DOCK7: variants seen among roughly 807,000 people sequenced by gnomAD.
The protein encoded by DOCK7 is dedicator of cytokinesis protein 7.
In DOCK7, 138 loss-of-function variants were observed where a neutral mutation model predicts 271.0. That is an observed-to-expected ratio of 0.51 (90% confidence interval 0.44 to 0.59). The LOEUF is 0.59. Among genes scored for constraint, DOCK7 ranks in the 20% least tolerant of loss-of-function variants. The probability of loss-of-function intolerance (pLI) is 0.00; values close to 1 mark genes in which losing one functional copy is unlikely to be tolerated. For synonymous variants in DOCK7, 823 were observed against 876.1 expected (o/e 0.94, Z 1.07); for missense variants, 2,066 against 2,592.4 (o/e 0.80, Z 4.41).
At chr1:62,526,796 T>C (rs1645023038) in intron 31 of DOCK7, among the ~76,000 whole-genome samples, 1 of 152,214 alleles carries the variant, frequency 6.6e-6, no homozygotes, top group African/African-American at 2.4e-5. Context: ...CTCAAAAACT[T>C]ATGCTTAGTG....
intron 49 of DOCK7, among the ~76,000 whole-genome samples, chr1:62,456,040 T>C (rs1645338882): frequency 6.6e-6 from 1 of 152,084 alleles, no homozygotes; most frequent in Non-Finnish European, 1.5e-5. Context: ...CATGTAGGAG[T>C]GTGGCTTAAT....
At chr1:62,571,385 T>C (rs944642656) in intron 18 of DOCK7, among the ~76,000 whole-genome samples, 2 of 152,108 alleles carry the variant, frequency 1.3e-5, no homozygotes, top group Non-Finnish European at 2.9e-5. Flanking sequence ...TGGCAATTAT[T>C]ATAAAGTCAA....
At chr1:62,502,667 G>C (rs1402510067) in intron 37 of DOCK7, among the ~76,000 whole-genome samples, 8 of 152,060 alleles carry the variant, frequency 5.3e-5, no homozygotes, top group Non-Finnish European at 1.2e-4. Flanking sequence ...GCAACCATTA[G>C]AGCAAAACCA....
chr1:62,501,621 AT>A (rs1179199434), intron 37 of DOCK7, among the ~76,000 whole-genome samples: 1 of 151,970 alleles, frequency 6.6e-6, no homozygotes, highest in Non-Finnish European at 1.5e-5. Context: ...GTTTCTCAAT[AT>A]TTTTTTCATT....
At chr1:62,660,237 T>C (rs1658509415) in intron 2 of DOCK7, among the ~76,000 whole-genome samples, 1 of 152,056 alleles carries the variant, frequency 6.6e-6, no homozygotes, top group Non-Finnish European at 1.5e-5. Flanking sequence ...CTGACTATAG[T>C]AGAATCAAAC....
chr1:62,578,493 G>A (rs1307461707), intron 17 of DOCK7, among the ~76,000 whole-genome samples: 1 of 152,110 alleles, frequency 6.6e-6, no homozygotes, highest in Non-Finnish European at 1.5e-5. Flanking sequence ...GCCGAGGCAG[G>A]CAGATCACTT....
chr1:62,504,590 T>C, intron 37 of DOCK7, 40 bp downstream of exon 37: 1 of 1,578,664 alleles, frequency 6.3e-7, no homozygotes, highest in South Asian at 1.2e-5. Flanking sequence ...AAGTTATATT[T>C]CATTATGAAT....
At position 62,630,140 on chromosome 1, in the gene DOCK7, G is replaced by A. The variant is rs574269489; in HGVS notation, c.1282+1100C>T. Reference sequence around the variant, plus strand: ...AAGGAACCTGGGAGTGGCCAAACTTGAAGACTCATTCCTTATCTATGAGAA... The same window carrying A: ...AAGGAACCTGGGAGTGGCCAAACTTAAAGACTCATTCCTTATCTATGAGAA... On this transcript the variant is annotated intron_variant, in intron 11 of 49. Transcript: ENST00000635253. Among the ~76,000 whole-genome samples the A allele has an allele frequency of 3.9e-5, 6 of 152,248 alleles. No homozygotes were observed. In the East Asian group the frequency reaches 1.2e-3, roughly 29 times the overall value.
intron 23 of DOCK7, 119 bp downstream of exon 23, chr1:62,544,828 A>G (rs1479330642): frequency 9.5e-6 from 7 of 736,870 alleles, no homozygotes; most frequent in Non-Finnish European, 1.5e-5. Context: ...GTAAACAAAA[A>G]TACACACTTT....
chr1:62,667,588 G>A (rs1238839646), intron 1 of DOCK7, among the ~76,000 whole-genome samples: 1 of 152,172 alleles, frequency 6.6e-6, no homozygotes, highest in African/African-American at 2.4e-5. Context: ...GGTGGTGCGT[G>A]CCTGCAGTCC....
In DOCK7 at chr1:62,535,548, A is replaced by G; in HGVS notation, c.3556T>C (p.Leu1186=). Residue 1186 remains leucine, a synonymous_variant, in exon 29 of 50, where the codon TTG becomes CTG. Coordinates refer to ENST00000635253, the MANE Select transcript of DOCK7 (RefSeq NM_001367561.1). ...LSVPFRQQHY[L]AGLVLTELAV... is the part of the protein sequence containing the mutation. ...AGCTCTGTTAACACAAGTCCTGCCA[A>G]ATAATGCTGTTGGCGGAAAGGCACG... 1.9e-6 allele frequency: 3 copies of G among 1,614,114 alleles called. No individual in the cohort carries two copies. Among genetic ancestry groups the G allele is most frequent in the Middle Eastern group, 1.7e-4 (1 of 6,060 alleles).
rs1407875378 is a variant in DOCK7 at position 62,561,690 on chromosome 1, C to T, written c.2126G>A (p.Gly709Asp). 2 of 1,571,360 alleles carry T rather than the reference C, an allele frequency of 1.3e-6. No homozygotes were observed. Among genetic ancestry groups the T allele is most frequent in the East Asian group, 2.4e-5 (1 of 42,352 alleles). Reference sequence around the variant, plus strand: ...TTTGTGATTATCTACCCATTTCATGCCAGGTAGAGGAACCTGTAAGATATT... The same window carrying T: ...TTTGTGATTATCTACCCATTTCATGTCAGGTAGAGGAACCTGTAAGATATT... ...SVLSPEVPLPGMKWVDNHKGV... is the reference protein window; with the variant it reads ...SVLSPEVPLPDMKWVDNHKGV... Residue 709 changes from glycine to aspartate, a missense_variant, in exon 19 of 50, where the codon GGC (glycine) becomes GAC (aspartate). Gly to Asp is a moderately conservative substitution (Grantham distance 94). This residue lies in a region of DOCK7 where 1,414 missense variants were observed against 1,670.4 expected (regional missense o/e 0.85). Coordinates refer to ENST00000635253, the MANE Select transcript of DOCK7 (RefSeq NM_001367561.1).
At chr1:62,539,713 G>A in intron 26 of DOCK7, 39 bp downstream of exon 26, 2 of 1,611,034 alleles carry the variant, frequency 1.2e-6, no homozygotes, top group Non-Finnish European at 1.7e-6. Flanking sequence ...CTTAATCTGA[G>A]CTTGAAAGAG....
At chr1:62,538,549 T>C (rs937775833) in intron 27 of DOCK7, among the ~76,000 whole-genome samples, 4 of 152,202 alleles carry the variant, frequency 2.6e-5, no homozygotes, top group African/African-American at 4.8e-5. Context: ...AGGAGATCAA[T>C]GCTTAAAGAA....
intron 1 of DOCK7, among the ~76,000 whole-genome samples, chr1:62,669,921 C>T (rs548142417): frequency 4.6e-5 from 7 of 152,232 alleles, no homozygotes; most frequent in Non-Finnish European, 1.0e-4. Flanking sequence ...GGGCTGTGTG[C>T]GGCACTTGCG....
chr1:62,579,695 GAAAAA>G (rs34924913), intron 16 of DOCK7, among the ~76,000 whole-genome samples: 5 of 63,888 alleles, frequency 7.8e-5, no homozygotes, highest in South Asian at 6.4e-4. Flanking sequence ...GAGTGAGACC[GAAAAA>G]AAAAAAAAAA....
intron 45 of DOCK7, 24 bp downstream of exon 45, chr1:62,476,043 T>C: frequency 6.3e-7 from 1 of 1,599,784 alleles, no homozygotes; most frequent in Non-Finnish European, 8.6e-7. Context: ...TGTCTATATG[T>C]CATTATAGTC....
intron 31 of DOCK7, among the ~76,000 whole-genome samples, chr1:62,516,373 A>C (rs1019029532): frequency 6.6e-6 from 1 of 152,324 alleles, no homozygotes; most frequent in African/African-American, 2.4e-5. Context: ...TAAGCCCTAC[A>C]AAAAAGGATT....
intron 40 of DOCK7, among the ~76,000 whole-genome samples, chr1:62,493,180 ACT>A (rs1260796724): frequency 6.6e-6 from 1 of 152,100 alleles, no homozygotes; most frequent in African/African-American, 2.4e-5. Flanking sequence ...TCTTTTCAAA[ACT>A]CTCTGTAAAG....
Sources: gnomAD v4.1 joint callset for allele counts (sites outside exome capture counted in the v4.1 genomes callset) on GRCh38, gnomAD v4.1.1 for gene constraint, gnomAD v4.1.1 regional missense constraint, MANE v1.5 for transcripts, NCBI Gene and HGNC (gene_info 2026-07-23, HGNC 2026-07-21) for gene names.